Variants in LMOD3 observed in about 807,000 individuals in gnomAD.
LMOD3 encodes leiomodin 3, also known as leiomodin-3.
Under a neutral mutation model 41.8 loss-of-function variants are expected in LMOD3, and 31 were observed. The observed-to-expected ratio is 0.74, with a 90% CI of 0.56 to 1.00. LMOD3 has a LOEUF of 1.00. Among genes scored for constraint, LMOD3 ranks in the 50% least tolerant of loss-of-function variants. LMOD3 has a pLI of 0.00. For synonymous variants in LMOD3, 292 were observed against 241.9 expected (o/e 1.21, Z -1.92); for missense variants, 755 against 679.5 (o/e 1.11, Z -1.23).
chr3:69,116,795 G>A (rs1432435487), intron 2 of LMOD3, among the ~76,000 whole-genome samples: 2 of 152,128 alleles, frequency 1.3e-5, no homozygotes, highest in Non-Finnish European at 2.9e-5. Context: ...ATAAGTGAAT[G>A]GATAGAATGG....
chr3:69,114,253 A>C (rs1314862220), intron 2 of LMOD3, among the ~76,000 whole-genome samples: 1 of 152,138 alleles, frequency 6.6e-6, no homozygotes, highest in African/African-American at 2.4e-5. Context: ...GACATTCAAA[A>C]ACTTACACAA....
chr3:69,119,198 A>G lies in LMOD3; in HGVS notation c.1157T>C (p.Val386Ala), dbSNP rs2107526166. 6.2e-7 allele frequency: 1 copy of G among 1,613,792 alleles called. No homozygotes were observed. ...CTGATTCCTGGTGAGCAGATTAGTG[A>G]CCACCATTCTGGGACCCGGAAGCTC... ...HFELPGPRMV[V>A]TNLLTRNQDK... is the part of the protein sequence containing the mutation. The change falls in exon 2 of 3, where the codon GTC (valine) becomes GCC (alanine). Residue 386 changes from valine to alanine, a missense_variant. Val to Ala is a moderately conservative substitution (Grantham distance 64, BLOSUM62 0). Transcript: ENST00000420581.
intron 2 of LMOD3, among the ~76,000 whole-genome samples, chr3:69,118,174 T>G (rs1393820295): frequency 1.3e-5 from 2 of 152,186 alleles, no homozygotes; most frequent in Non-Finnish European, 2.9e-5. Flanking sequence ...CCTAGGGATC[T>G]CTGAGTGTCA....
chr3:69,121,034 G>T (rs1005070003), intron 1 of LMOD3, among the ~76,000 whole-genome samples: 1 of 152,108 alleles, frequency 6.6e-6, no homozygotes, highest in African/African-American at 2.4e-5. Context: ...TTAACCACCT[G>T]AAGTCTTCAC....
chr3:69,114,567 G>T (rs924506295), intron 2 of LMOD3, among the ~76,000 whole-genome samples: 4 of 152,176 alleles, frequency 2.6e-5, no homozygotes, highest in African/African-American at 7.2e-5. Flanking sequence ...GAGTGCAGTG[G>T]CACCATCTTG....
At chr3:69,110,853 A>AAAAAAAAAAAAATATATATATATATAT (rs1458630453) in intron 2 of LMOD3, among the ~76,000 whole-genome samples, 2 of 104,168 alleles carry the variant, frequency 1.9e-5, no homozygotes, top group African/African-American at 9.6e-5. Flanking sequence ...AAAAAAAAAA[A>AAAAAAAAAAAAATATATATATATATAT]ATATATATAT....
In LMOD3 at chr3:69,122,474, C is replaced by G; in HGVS notation, c.-88G>C. 5.8e-6 allele frequency: 6 copies of G among 1,033,340 alleles called. 2 individuals carry two copies. In the South Asian group the frequency reaches 1.1e-4, roughly 18 times the overall value. The allele number at this position is 1,033,340 out of a possible 1,614,324, so 64.0% of individuals were successfully genotyped here. ...AGGAAAAAAGCCTCAAGAAGGTCCCCCAGTTAACGAGTGTCCCAAGTTAAC... is the reference window on the plus strand; with the variant it reads ...AGGAAAAAAGCCTCAAGAAGGTCCCGCAGTTAACGAGTGTCCCAAGTTAAC... On this transcript the variant is annotated 5_prime_UTR_variant, in exon 1 of 3. Transcript: ENST00000420581.
In LMOD3 at chr3:69,119,849, G is replaced by C. The variant is rs181564355; in HGVS notation, c.506C>G (p.Thr169Arg). ...GEDDGEESEE[T>R]NREEEGKAKE... ...TGCTTTGCCTTCCTCTTCTCTGTTC[G>C]TTTCTTCACTCTCTTCACCATCATC... is the stretch of plus-strand genomic sequence containing the variant. Residue 169 changes from threonine to arginine, a missense_variant, in exon 2 of 3, where the codon ACG (threonine) becomes AGG (arginine). By Grantham distance (71) the Thr-to-Arg change is moderately conservative. Coordinates refer to ENST00000420581, the MANE Select transcript of LMOD3 (RefSeq NM_198271.5). The C allele has an allele frequency of 3.8e-6, 6 of 1,562,208 alleles. No individual in the cohort carries two copies. Among genetic ancestry groups the C allele is most frequent in the Non-Finnish European group, 5.2e-6 (6 of 1,151,640 alleles).
intron 1 of LMOD3, 47 bp downstream of exon 1, chr3:69,122,046 C>G (rs1314643067): frequency 1.3e-6 from 2 of 1,498,004 alleles, no homozygotes; most frequent in South Asian, 2.5e-5. Context: ...GACCTAACAG[C>G]CCATCCCAGG....
intron 2 of LMOD3, among the ~76,000 whole-genome samples, chr3:69,112,057 A>T (rs1450577422): frequency 6.6e-6 from 1 of 152,258 alleles, no homozygotes; most frequent in Non-Finnish European, 1.5e-5. Flanking sequence ...TAAGCAGAAT[A>T]CAAAAGGTAG....
At chr3:69,111,735 C>G (rs759578775) in intron 2 of LMOD3, among the ~76,000 whole-genome samples, 4 of 152,096 alleles carry the variant, frequency 2.6e-5, no homozygotes, top group Admixed American at 2.0e-4. Flanking sequence ...GCCACCATGC[C>G]CAGCCCAGAA....
chr3:69,122,514 T>A lies in LMOD3; in HGVS notation c.-128A>T, dbSNP rs935980763. ...CCCAAGTTAACACACCCTTGAGATA[T>A]TTTTTTTTTTTTCCCAGGAACCTCA... On this transcript the variant is annotated 5_prime_UTR_variant, in exon 1 of 3. Transcript: ENST00000420581. The A allele has an allele frequency of 1.1e-5, 2 of 182,772 alleles. No homozygotes were observed. Among genetic ancestry groups the A allele is most frequent in the South Asian group, 1.8e-4 (1 of 5,464 alleles). 11.3% of individuals were successfully genotyped at this position (182,772 alleles called of 1,614,324 possible).
rs747837263 is a variant in LMOD3 at position 69,118,811 on chromosome 3, A to T, written c.1544T>A (p.Ile515Asn). 1.4e-5 allele frequency: 23 copies of T among 1,609,052 alleles called. No homozygotes were observed. Among genetic ancestry groups the T allele is most frequent in the Non-Finnish European group, 1.8e-5 (21 of 1,178,536 alleles). ...TCTCGGCACTGGCTTGAGCGTTTTG[A>T]TGACATCTTTGAGGTTGGTTTTCTC... ...PPEKTNLKDV[I>N]KTLKPVPRNR... Residue 515 changes from isoleucine (I) to asparagine (N), a missense_variant, in exon 2 of 3, where the codon ATC becomes AAC. Physicochemically the swap from Ile to Asn is moderately radical, Grantham distance 149. Transcript: ENST00000420581.
Position 69,119,404 on chromosome 3 carries a change from G to A in LMOD3, c.951C>T (p.Ile317=), listed in dbSNP as rs761586160. The A allele has an allele frequency of 1.9e-6, 3 of 1,613,970 alleles. No homozygotes were observed. Among genetic ancestry groups the A allele is most frequent in the Admixed American group, 1.7e-5 (1 of 60,014 alleles). ...RENRSITTLN[I]ESNFITGKGI... The stretch of plus-strand genomic sequence containing the variant: ...CTTTACCTGTGATGAAATTGGACTC[G>A]ATGTTGAGAGTGGTGATGCTTCTAT... Residue 317 remains isoleucine (I), a synonymous_variant, in exon 2 of 3, where the codon ATC becomes ATT. Coordinates refer to ENST00000420581, the MANE Select transcript of LMOD3 (RefSeq NM_198271.5).
intron 2 of LMOD3, among the ~76,000 whole-genome samples, chr3:69,116,375 C>T (rs2107524236): frequency 6.6e-6 from 1 of 152,330 alleles, no homozygotes; most frequent in South Asian, 2.1e-4. Context: ...AATTGCCAAT[C>T]CTTCAGAATA....
In LMOD3 at chr3:69,119,967, T is replaced by A. The variant is rs774692454; in HGVS notation, c.388A>T (p.Asn130Tyr). The change falls in exon 2 of 3, where the codon AAT (asparagine) becomes TAT (tyrosine). Residue 130 changes from asparagine to tyrosine, a missense_variant. Asn to Tyr is a moderately radical substitution (Grantham distance 143). Transcript: ENST00000420581. ...KEKLNNEIVA[N>Y]KRESKGSSNI... is the part of the protein sequence containing the mutation. Reference sequence around the variant, plus strand: ...CTGCTGCCCTTTGATTCTCTTTTATTTGCAACTATTTCATTATTGAGCTTT... The same window carrying A: ...CTGCTGCCCTTTGATTCTCTTTTATATGCAACTATTTCATTATTGAGCTTT... 2 of 1,589,096 alleles carry A rather than the reference T, an allele frequency of 1.3e-6. No individual in the cohort carries two copies.
chr3:69,122,396 T>A lies in LMOD3; in HGVS notation c.-10A>T. 1 of 1,518,290 alleles carries A rather than the reference T, an allele frequency of 6.6e-7. No individual in the cohort carries two copies. The highest frequency in any genetic ancestry group is 8.9e-7 in the Non-Finnish European group (1 of 1,124,038). 94.1% of individuals were successfully genotyped at this position (1,518,290 alleles called of 1,614,324 possible). On this transcript the variant is annotated 5_prime_UTR_variant, in exon 1 of 3. Coordinates refer to ENST00000420581, the MANE Select transcript of LMOD3 (RefSeq NM_198271.5). ...TGCTGTGCTCTGACATTATTTTTTC[T>A]AAATATTATTTTACTAGAAAAGAAG...
Position 69,108,375 on chromosome 3 carries a change from T to C in LMOD3, c.*720A>G, listed in dbSNP as rs553055887. On this transcript the variant is annotated 3_prime_UTR_variant, in exon 3 of 3. Coordinates refer to ENST00000420581, the MANE Select transcript of LMOD3 (RefSeq NM_198271.5). ...ATGAAAACTTGCTGCCAGGAAGTTT[T>C]CATATATGCAGGGTTTACTTTCCCA... The C allele has an allele frequency of 6.6e-6, 1 of 152,268 alleles. No individual in the cohort carries two copies. The highest frequency in any genetic ancestry group is 2.4e-5 in the African/African-American group (1 of 41,552). 9.4% of individuals were successfully genotyped at this position (152,268 alleles called of 1,614,324 possible).
rs374084990 is a variant in LMOD3 at position 69,118,738 on chromosome 3, T to C, written c.1617A>G (p.Leu539=). The C allele has an allele frequency of 1.5e-4, 243 of 1,612,788 alleles. 4 individuals are homozygous for C. The South Asian group carries it at 2.1e-3, about 14-fold the overall frequency. The stretch of plus-strand genomic sequence containing the variant: ...CGACACTGCTGTGACGAATGTCGTT[T>C]AGCAGCTGATCTCTGGGAGTGATTT... ...LVEITPRDQL[L]NDIRHSSVAY... Residue 539 remains leucine, a synonymous_variant, in exon 2 of 3, where the codon CTA becomes CTG. Transcript: ENST00000420581.
Sources: gnomAD v4.1 joint callset for allele counts (sites outside exome capture counted in the v4.1 genomes callset) on GRCh38, gnomAD v4.1.1 for gene constraint, MANE v1.5 for transcripts, NCBI Gene and HGNC (gene_info 2026-07-23, HGNC 2026-07-21) for gene names.